The following OTUD7A variants were observed in gnomAD, a reference collection of about 807,000 sequenced individuals.
OTUD7A encodes the protein OTU deubiquitinase 7A.
Under a neutral mutation model 65.7 loss-of-function variants are expected in OTUD7A, and 12 were observed. The ratio of observed to expected loss-of-function variants is 0.18; its 90% CI spans 0.12 to 0.30. The LOEUF is 0.30. Ranked by LOEUF, OTUD7A falls within the 10% of genes least tolerant of loss-of-function variation. The probability of loss-of-function intolerance (pLI) is 1.00; values close to 1 mark genes in which losing one functional copy is unlikely to be tolerated. For missense variants in OTUD7A, 1,148 were observed against 1,304.8 expected (o/e 0.88, Z 1.85); for synonymous variants, 641 against 586.3 (o/e 1.09, Z -1.35).
At chr15:31,726,601 C>G (rs1893896699) in intron 1 of OTUD7A, among the ~76,000 whole-genome samples, 1 of 152,198 alleles carries the variant, frequency 6.6e-6, no homozygotes. Flanking sequence ...AAGCAAGAAT[C>G]AGAACCTAAA....
intron 1 of OTUD7A, among the ~76,000 whole-genome samples, chr15:31,762,977 T>G (rs1236560445): frequency 6.6e-6 from 1 of 151,860 alleles, no homozygotes; most frequent in Non-Finnish European, 1.5e-5. Flanking sequence ...GACGTAAGAA[T>G]AAACAAATGT....
rs568590806 is a variant in OTUD7A at position 31,477,037 on chromosome 15, C to T, written c.*6257G>A. 9 of 152,482 alleles carry T rather than the reference C, an allele frequency of 5.9e-5. No homozygotes were observed. Among genetic ancestry groups the T allele is most frequent in the African/African-American group, 2.2e-4 (9 of 41,594 alleles). 9.4% of individuals were successfully genotyped at this position (152,482 alleles called of 1,614,324 possible). A position where few individuals can be genotyped will look rare whatever the true frequency, so the allele number is the denominator to read the frequency against. ...TTGCTTGGCTCTGTGGTGTCAAGGC[C>T]CTGACCTTCCAGTGCACCTCCACCA... On this transcript the variant is annotated 3_prime_UTR_variant, in exon 13 of 13. Transcript: ENST00000307050.
intron 1 of OTUD7A, among the ~76,000 whole-genome samples, chr15:31,805,715 C>T (rs1182815456): frequency 6.6e-6 from 1 of 152,192 alleles, no homozygotes; most frequent in African/African-American, 2.4e-5. Flanking sequence ...CTTCTCTGCA[C>T]AGGGAGCTGC....
chr15:31,859,685 C>T (rs1023223666), intron 1 of OTUD7A, among the ~76,000 whole-genome samples: 7 of 152,156 alleles, frequency 4.6e-5, no homozygotes, highest in Non-Finnish European at 7.3e-5. Flanking sequence ...GTTCTCAAAC[C>T]CAGAATCAAT....
rs914053719 is a variant in OTUD7A at position 31,477,835 on chromosome 15, C to T, written c.*5459G>A. The T allele has an allele frequency of 7.0e-6, 1 of 143,032 alleles. No homozygotes were observed. Among genetic ancestry groups the T allele is most frequent in the African/African-American group, 2.6e-5 (1 of 38,760 alleles). The allele number at this position is 143,032 out of a possible 1,614,324, so 8.9% of individuals were successfully genotyped here. On this transcript the variant is annotated 3_prime_UTR_variant, in exon 13 of 13. Coordinates refer to ENST00000307050, the MANE Select transcript of OTUD7A (RefSeq NM_001382637.1). ...AAATAAATGGATGAATGATTAACAT[C>T]TGCAGCACTCAGATGGTGATAGGTG...
chr15:31,544,967 G>T (rs1888087754), intron 5 of OTUD7A, among the ~76,000 whole-genome samples: 1 of 151,288 alleles, frequency 6.6e-6, no homozygotes, highest in South Asian at 2.1e-4. Flanking sequence ...GACCACAGAA[G>T]AATTAAGCTA....
chr15:31,604,922 C>T (rs1305270221), intron 3 of OTUD7A, among the ~76,000 whole-genome samples: 1 of 152,192 alleles, frequency 6.6e-6, no homozygotes. Context: ...CCGGGTCTAA[C>T]TGAGCCACCA....
chr15:31,806,109 A>G (rs1448731664), intron 1 of OTUD7A, among the ~76,000 whole-genome samples: 1 of 152,232 alleles, frequency 6.6e-6, no homozygotes, highest in Non-Finnish European at 1.5e-5. Flanking sequence ...AACTCTTGTT[A>G]GCTTCCAATC....
chr15:31,558,319 A>G (rs960832606), intron 5 of OTUD7A: 2 of 152,572 alleles, frequency 1.3e-5, no homozygotes, highest in South Asian at 4.1e-4. Context: ...ATTCCAAAGA[A>G]GAGAGTTTGT....
intron 3 of OTUD7A, among the ~76,000 whole-genome samples, chr15:31,577,124 T>C (rs1207023398): frequency 1.3e-5 from 2 of 152,212 alleles, no homozygotes; most frequent in Non-Finnish European, 2.9e-5. Flanking sequence ...ATATATTTCT[T>C]TGAAATATTT....
At chr15:31,618,497 T>C (rs1466346712) in intron 3 of OTUD7A, among the ~76,000 whole-genome samples, 2 of 152,188 alleles carry the variant, frequency 1.3e-5, no homozygotes, top group Non-Finnish European at 2.9e-5. Context: ...GGTATCTCGT[T>C]GTGGTTTTGA....
At position 31,845,311 on chromosome 15, in the gene OTUD7A, T is replaced by C. The variant is rs566522773; in HGVS notation, c.-100+25196A>G. Among the ~76,000 whole-genome samples the C allele has an allele frequency of 8.3e-4, 126 of 152,244 alleles. 1 individual carries two copies. Among genetic ancestry groups the C allele is most frequent in the African/African-American group, 2.4e-3 (101 of 41,538 alleles). ...CCTCTCCATCTCAAGGGGAGGAGAA[T>C]TGAAAAGGCTGCGGAGCCACACTCA... On this transcript the variant is annotated intron_variant, in intron 1 of 12. Transcript: ENST00000307050.
At chr15:31,747,737 C>T (rs1362464532) in intron 1 of OTUD7A, among the ~76,000 whole-genome samples, 2 of 152,064 alleles carry the variant, frequency 1.3e-5, no homozygotes, top group African/African-American at 4.8e-5. Flanking sequence ...TGAGCAAAAT[C>T]CTATTAATTA....
At chr15:31,829,430 G>A (rs1896877640) in intron 1 of OTUD7A, among the ~76,000 whole-genome samples, 1 of 152,202 alleles carries the variant, frequency 6.6e-6, no homozygotes, top group Non-Finnish European at 1.5e-5. Flanking sequence ...CTTTCGTCTT[G>A]GTTCCATGGG....
intron 1 of OTUD7A, among the ~76,000 whole-genome samples, chr15:31,716,838 T>A (rs1238086470): frequency 2.0e-5 from 3 of 152,222 alleles, no homozygotes; most frequent in Admixed American, 2.0e-4. Context: ...CCCAGAGGCC[T>A]TCACCGTGGG....
chr15:31,802,842 TTC>T lies in OTUD7A; in HGVS notation c.-100+67663_-100+67664del, dbSNP rs567804090. Among the ~76,000 whole-genome samples, 46 of 152,342 alleles carry T rather than the reference TTC, an allele frequency of 3.0e-4. No homozygotes were observed. The South Asian group carries it at 4.8e-3, about 16-fold the overall frequency. ...GATATAAAAATACTACAAGGACTAC[TTC>T]AGGTCAAATTCTTCAGGCCTGAATT... is the stretch of plus-strand genomic sequence containing the variant. On this transcript the variant is annotated intron_variant, in intron 1 of 12. Transcript: ENST00000307050.
chr15:31,769,969 A>G (rs1230905169), intron 1 of OTUD7A, among the ~76,000 whole-genome samples: 1 of 152,250 alleles, frequency 6.6e-6, no homozygotes, highest in African/African-American at 2.4e-5. Context: ...TGCCAATTCA[A>G]AAAATAAAAT....
intron 8 of OTUD7A, among the ~76,000 whole-genome samples, chr15:31,507,030 GTATTTTGATGTAT>G (rs2041584095): frequency 6.6e-6 from 1 of 152,132 alleles, no homozygotes; most frequent in African/African-American, 2.4e-5. Flanking sequence ...CTAGGCATTT[GTATTTTGATGTAT>G]TGTTTTGATG....
At chr15:31,715,714 T>G (rs1223053501) in intron 1 of OTUD7A, among the ~76,000 whole-genome samples, 1 of 117,766 alleles carries the variant, frequency 8.5e-6, no homozygotes, top group African/African-American at 2.9e-5. Context: ...CTGCAGCCAC[T>G]CAGTGAAAAC....
Sources: allele counts gnomAD v4.1 joint callset (sites outside exome capture counted in the v4.1 genomes callset), GRCh38; gene constraint gnomAD v4.1.1; transcripts MANE v1.5; gene names NCBI Gene and HGNC (gene_info 2026-07-23, HGNC 2026-07-21).